Variants in MSH3 observed in about 807,000 individuals in gnomAD.
MSH3 encodes DNA mismatch repair protein Msh3.
A neutral mutation model predicts 123.3 loss-of-function variants in MSH3; 106 were observed. That is an observed-to-expected ratio of 0.86 (90% CI 0.73 to 1.01). MSH3 has a LOEUF of 1.01. MSH3 is among the 50% of genes least tolerant of loss of function. MSH3 has a pLI of 0.00. For synonymous variants in MSH3, 515 were observed against 481.4 expected (o/e 1.07, Z -0.91); for missense variants, 1,459 against 1,347.6 (o/e 1.08, Z -1.29).
At position 80,698,787 on chromosome 5, in the gene MSH3, C is replaced by A. The variant is rs1249140466; in HGVS notation, c.1340+19694C>A. On this transcript the variant is annotated intron_variant, in intron 8 of 23. Coordinates refer to ENST00000265081, the MANE Select transcript of MSH3 (RefSeq NM_002439.5). ...TGGACACAGGAAGGGGAACCTCACA[C>A]ACCGGGGGGCCTGTTGTGGGGTGGT... is the stretch of plus-strand genomic sequence containing the variant. Among the ~76,000 whole-genome samples the A allele has an allele frequency of 2.0e-5, 3 of 149,250 alleles. No homozygotes were observed. The South Asian group carries it at 6.4e-4, about 32-fold the overall frequency.
chr5:80,671,310 C>T (rs6151640), intron 4 of MSH3, among the ~76,000 whole-genome samples: 5 of 152,172 alleles, frequency 3.3e-5, no homozygotes, highest in South Asian at 2.1e-4. Flanking sequence ...TTGGATTGTA[C>T]ACTAGAGAGT....
At chr5:80,779,918 C>T (rs892799276) in intron 17 of MSH3, among the ~76,000 whole-genome samples, 2 of 152,030 alleles carry the variant, frequency 1.3e-5, no homozygotes, top group African/African-American at 2.4e-5. Flanking sequence ...TTCCCAATGT[C>T]CCCCCGCCAC....
rs948622384 is a variant in MSH3, at chr5:80,675,273, A to G, written c.1173+145A>G. 21 of 975,150 alleles carry G rather than the reference A, an allele frequency of 2.2e-5. No homozygotes were observed. The African/African-American group carries it at 2.8e-4, about 13-fold the overall frequency. The allele number at this position is 975,150 out of a possible 1,614,324, so 60.4% of individuals were successfully genotyped here. A position where few individuals can be genotyped will look rare whatever the true frequency, so the allele number is the denominator to read the frequency against. On this transcript the variant is annotated intron_variant, in intron 7 of 23. Coordinates refer to ENST00000265081, the MANE Select transcript of MSH3 (RefSeq NM_002439.5). The stretch of plus-strand genomic sequence containing the variant: ...AGAAAAACATTTTTCTCACAATATT[A>G]TATGTTAAATCGCTAGTTACAATTT...
chr5:80,695,480 G>T (rs941437463), intron 8 of MSH3, among the ~76,000 whole-genome samples: 1 of 151,946 alleles, frequency 6.6e-6, no homozygotes. Context: ...TATTATAGGC[G>T]CCTGCCACCA....
At chr5:80,672,905 T>C in intron 6 of MSH3, 47 bp downstream of exon 6, 1 of 1,414,074 alleles carries the variant, frequency 7.1e-7, no homozygotes, top group South Asian at 1.1e-5. Context: ...TACAAGGGCT[T>C]TGTTGGCAGG....
At chr5:80,708,157 C>A (rs1223421170) in intron 8 of MSH3, among the ~76,000 whole-genome samples, 1 of 152,168 alleles carries the variant, frequency 6.6e-6, no homozygotes, top group Non-Finnish European at 1.5e-5. Flanking sequence ...AAGTCAGATG[C>A]ATTAGTGTCT....
intron 8 of MSH3, among the ~76,000 whole-genome samples, chr5:80,685,821 C>T (rs1388529372): frequency 6.6e-6 from 1 of 152,048 alleles, no homozygotes; most frequent in Non-Finnish European, 1.5e-5. Context: ...ACAGCCGTCA[C>T]TGTATCACAT....
chr5:80,706,696 T>C (rs1750731092), intron 8 of MSH3, among the ~76,000 whole-genome samples: 1 of 152,216 alleles, frequency 6.6e-6, no homozygotes, highest in African/African-American at 2.4e-5. Context: ...ACGAGAGATA[T>C]TTCTCACCAT....
At chr5:80,804,336 T>A (rs182157213) in intron 19 of MSH3, among the ~76,000 whole-genome samples, 3 of 152,228 alleles carry the variant, frequency 2.0e-5, no homozygotes, top group Non-Finnish European at 4.4e-5. Context: ...TGGCTTCAGG[T>A]CTGACCCAGT....
intron 8 of MSH3, among the ~76,000 whole-genome samples, chr5:80,692,794 T>TGTATATGTTTAGATAAATATACAC (rs2112831220): frequency 6.8e-5 from 9 of 132,370 alleles, no homozygotes; most frequent in African/African-American, 2.5e-4. Context: ...TAAATATACA[T>TGTATATGTTTAGATAAATATACAC]ACACATGTAT....
intron 8 of MSH3, among the ~76,000 whole-genome samples, chr5:80,705,682 T>G (rs1412589438): frequency 6.6e-6 from 1 of 152,218 alleles, no homozygotes; most frequent in Admixed American, 6.5e-5. Context: ...ATGAACAGTA[T>G]TGGCTCCTTC....
At chr5:80,874,587 T>C (rs1746274393) in intron 23 of MSH3, among the ~76,000 whole-genome samples, 1 of 152,246 alleles carries the variant, frequency 6.6e-6, no homozygotes. Context: ...GTTGCCATAT[T>C]ATTATTGTTC....
chr5:80,675,007 A>T lies in MSH3; in HGVS notation c.1052A>T (p.Asp351Val), dbSNP rs555101803. The T allele has an allele frequency of 6.2e-7, 1 of 1,610,484 alleles. No individual in the cohort carries two copies. The highest frequency in any genetic ancestry group is 2.2e-5 in the East Asian group (1 of 44,766). The change falls in exon 7 of 24, where the codon GAT (aspartate) becomes GTT (valine). Residue 351 changes from aspartate to valine, a missense_variant. Physicochemically the swap from Asp to Val is radical, Grantham distance 152 (BLOSUM62 -3). Coordinates refer to ENST00000265081, the MANE Select transcript of MSH3 (RefSeq NM_002439.5). Reference protein sequence around the residue: ...GEDVNPLIKLDDAVNVDEIMT... With the variant: ...GEDVNPLIKLVDAVNVDEIMT... ...AATGTGAATCCCCTAATCAAGCTGG[A>T]TGATGCTGTAAATGTTGATGAGATA...
At chr5:80,822,146 G>A (rs1466559567) in intron 20 of MSH3, among the ~76,000 whole-genome samples, 1 of 152,186 alleles carries the variant, frequency 6.6e-6, no homozygotes, top group Non-Finnish European at 1.5e-5. Flanking sequence ...TCAAGATTCT[G>A]TACAAGTTCT....
chr5:80,822,781 C>T (rs913372927), intron 20 of MSH3, among the ~76,000 whole-genome samples: 1 of 152,224 alleles, frequency 6.6e-6, no homozygotes, highest in Non-Finnish European at 1.5e-5. Context: ...GCCTTTCCTT[C>T]TGTTCCTCAG....
At position 80,670,190 on chromosome 5, in the gene MSH3, T is replaced by C; in HGVS notation, c.673T>C (p.Ser225Pro). The change falls in exon 4 of 24, where the codon TCC (serine) becomes CCC (proline). Residue 225 changes from serine (S) to proline (P), a missense_variant. Ser to Pro is a moderately conservative substitution (Grantham distance 74). Coordinates refer to ENST00000265081, the MANE Select transcript of MSH3 (RefSeq NM_002439.5). ...KTASKSANKRSKSIYTPLELQ... is the reference protein window; with the variant it reads ...KTASKSANKRPKSIYTPLELQ... ...TGCTTCCAAATCAGCTAACAAACGG[T>C]CCAAAAGCATCTATACGCCGCTAGA... The C allele has an allele frequency of 6.2e-7, 1 of 1,614,120 alleles. No homozygotes were observed. The highest frequency in any genetic ancestry group is 8.5e-7 in the Non-Finnish European group (1 of 1,180,004).
At chr5:80,753,803 C>T (rs541716412) in intron 12 of MSH3, among the ~76,000 whole-genome samples, 14 of 152,204 alleles carry the variant, frequency 9.2e-5, no homozygotes, top group African/African-American at 3.1e-4. Flanking sequence ...CGTGTAGCTT[C>T]CAACGTCATC....
chr5:80,749,893 A>T (rs1001116060), intron 12 of MSH3, among the ~76,000 whole-genome samples: 14 of 152,088 alleles, frequency 9.2e-5, no homozygotes, highest in Non-Finnish European at 1.9e-4. Flanking sequence ...GCCTCTGATG[A>T]CCACCAATCT....
chr5:80,656,597 G>A (rs2112802020), intron 2 of MSH3, 66 bp downstream of exon 2: 1 of 1,600,870 alleles, frequency 6.2e-7, no homozygotes, highest in Non-Finnish European at 8.6e-7. Context: ...TCTCCAGAGG[G>A]CAGAAGAGCG....
Sources: gnomAD v4.1 joint callset for allele counts (sites outside exome capture counted in the v4.1 genomes callset) on GRCh38, gnomAD v4.1.1 for gene constraint, MANE v1.5 for transcripts, NCBI Gene and HGNC (gene_info 2026-07-23, HGNC 2026-07-21) for gene names.